Variants in TNS1 observed in about 807,000 individuals in gnomAD.
The protein encoded by TNS1 is tensin-1.
A neutral mutation model predicts 168.6 loss-of-function variants in TNS1; 62 were observed. The ratio of observed to expected loss-of-function variants is 0.37; its 90% CI spans 0.30 to 0.45. The LOEUF (loss-of-function observed/expected upper bound fraction) is 0.45, where lower values mean the gene tolerates loss of function less well. Ranked by LOEUF, TNS1 falls within the 20% of genes least tolerant of loss-of-function variation. TNS1 has a pLI of 1.00. For missense variants in TNS1, 2,240 were observed against 2,339.4 expected, an observed-to-expected ratio of 0.96 and a Z score of 0.88; for synonymous variants, 934 against 933.2, an observed-to-expected ratio of 1.00 and a Z score of -0.02.
chr2:218,028,451 T>A (rs780716964), intron 1 of TNS1, among the ~76,000 whole-genome samples: 37 of 152,228 alleles, frequency 2.4e-4, no homozygotes, highest in Non-Finnish European at 4.6e-4. Flanking sequence ...CCTCTCACCA[T>A]TCATCCAGCC....
chr2:217,829,816 G>A (rs181644270), intron 22 of TNS1: 2 of 1,613,666 alleles, frequency 1.2e-6, no homozygotes, highest in African/African-American at 1.3e-5. Context: ...GACCCAGAGA[G>A]CAGGAAGTCA....
At position 217,990,065 on chromosome 2, in the gene TNS1, C is replaced by G. The variant is rs930047730; in HGVS notation, c.148+877G>C. 9.0e-5 allele frequency among the ~76,000 whole-genome samples: 13 copies of G among 145,132 alleles called. No homozygotes were observed. The East Asian group carries it at 1.0e-3, about 11-fold the overall frequency. ...GTCACACACCCTCAGCACACATCAT[C>G]CACACGCCATCCACACACCAGCCAC... On this transcript the variant is annotated intron_variant, in intron 2 of 32. Coordinates refer to ENST00000682258, the MANE Select transcript of TNS1 (RefSeq NM_001387777.1).
intron 22 of TNS1, among the ~76,000 whole-genome samples, chr2:217,824,690 C>A (rs1453205551): frequency 6.6e-6 from 1 of 152,140 alleles, no homozygotes; most frequent in African/African-American, 2.4e-5. Flanking sequence ...GGGAGTCTCA[C>A]CCACAGCCAT....
intron 3 of TNS1, among the ~76,000 whole-genome samples, chr2:217,942,976 G>C (rs1956991819): frequency 6.6e-6 from 1 of 152,318 alleles, no homozygotes; most frequent in South Asian, 2.1e-4. Flanking sequence ...CCAAGTCCTG[G>C]ATTGGGGGTT....
intron 3 of TNS1, among the ~76,000 whole-genome samples, chr2:217,950,460 G>T (rs902070330): frequency 2.0e-5 from 3 of 152,066 alleles, no homozygotes; most frequent in African/African-American, 7.2e-5. Flanking sequence ...CCTGGTCACT[G>T]GGGAGCGTGC....
intron 16 of TNS1, among the ~76,000 whole-genome samples, chr2:217,883,624 G>A (rs1950889641): frequency 6.6e-6 from 1 of 152,206 alleles, no homozygotes; most frequent in Non-Finnish European, 1.5e-5. Context: ...CACTACGTAA[G>A]AGGAGGAAAT....
intron 16 of TNS1, among the ~76,000 whole-genome samples, chr2:217,882,757 T>A (rs1950802363): frequency 6.6e-6 from 1 of 152,158 alleles, no homozygotes; most frequent in South Asian, 2.1e-4. Context: ...TTATTTTATT[T>A]ATTTTGAGAT....
At chr2:217,879,294 C>A (rs1212216474) in intron 18 of TNS1, 2 of 352,822 alleles carry the variant, frequency 5.7e-6, no homozygotes, top group Non-Finnish European at 1.1e-5. Context: ...AGTAAAAATT[C>A]TTTCCAATTG....
chr2:217,815,113 T>C, intron 24 of TNS1, 115 bp from the exon 25 acceptor site: 1 of 783,090 alleles, frequency 1.3e-6, no homozygotes, highest in Non-Finnish European at 2.1e-6. Context: ...AAATAGGGTC[T>C]TTGCAGATGT....
rs554581543 is a variant in TNS1 at position 218,002,797 on chromosome 2, G to A, written c.33+43C>T. 1.1e-4 allele frequency: 52 copies of A among 456,576 alleles called. No individual in the cohort carries two copies. In the Admixed American group the frequency reaches 1.2e-3, roughly 11 times the overall value. 28.3% of individuals were successfully genotyped at this position (456,576 alleles called of 1,614,324 possible). On this transcript the variant is annotated intron_variant, in intron 1 of 32. Transcript: ENST00000682258. ...GGCAGGGGCCGGTGGGGGGCGGGGG[G>A]TTTGAGGAAGAGTAACGTCGCAGCT... is the stretch of plus-strand genomic sequence containing the variant.
chr2:217,899,379 C>A (rs1390333139), intron 7 of TNS1, among the ~76,000 whole-genome samples: 1 of 152,144 alleles, frequency 6.6e-6, no homozygotes, highest in Admixed American at 6.5e-5. Flanking sequence ...AACTGCCTAC[C>A]CAAGGACAGT....
chr2:217,892,725 G>A (rs938442151), intron 11 of TNS1, among the ~76,000 whole-genome samples: 1 of 152,164 alleles, frequency 6.6e-6, no homozygotes, highest in African/African-American at 2.4e-5. Context: ...TCCCAAGGCT[G>A]CCCCACCAGA....
Position 217,847,949 on chromosome 2 carries a change from G to T in TNS1, c.2568C>A (p.Ser856=), listed in dbSNP as rs1379812547. ...CTGGCCAGGCCCCGGGGACACTCTG[G>T]GACTTGTGTAGTGGGGCAGCAGCGG... The part of the protein sequence containing the change: ...PASAAAPLHK[S]QSVPGAWPGA... Residue 856 remains serine (S), a synonymous_variant, in exon 19 of 33, where the codon TCC becomes TCA. Coordinates refer to ENST00000682258, the MANE Select transcript of TNS1 (RefSeq NM_001387777.1). The T allele has an allele frequency of 6.6e-7, 1 of 1,515,634 alleles. No individual in the cohort carries two copies. Among genetic ancestry groups the T allele is most frequent in the Non-Finnish European group, 8.9e-7 (1 of 1,129,434 alleles). 93.9% of individuals were successfully genotyped at this position (1,515,634 alleles called of 1,614,324 possible). A position where few individuals can be genotyped will look rare whatever the true frequency, so the allele number is the denominator to read the frequency against.
chr2:217,892,959 G>A lies in TNS1; in HGVS notation c.771C>T (p.Asn257=), dbSNP rs150712479. 43 of 1,614,192 alleles carry A rather than the reference G, an allele frequency of 2.7e-5. No homozygotes were observed. The African/African-American group carries it at 5.2e-4, about 20-fold the overall frequency. The part of the protein sequence containing the change: ...VVIAAYMHYS[N]ISASADQALD... ...CAGGCCCCTCTTACCTGGCAGAAATGTTGCTGTAGTGCATGTAAGCCGCGA... is the reference window on the plus strand; with the variant it reads ...CAGGCCCCTCTTACCTGGCAGAAATATTGCTGTAGTGCATGTAAGCCGCGA... Residue 257 remains asparagine (N), a synonymous_variant, in exon 11 of 33, where the codon AAC becomes AAT. Coordinates refer to ENST00000682258, the MANE Select transcript of TNS1 (RefSeq NM_001387777.1).
chr2:218,004,214 T>G (rs1958627540), upstream of TNS1, among the ~76,000 whole-genome samples: 2 of 152,138 alleles, frequency 1.3e-5, no homozygotes, highest in Non-Finnish European at 2.9e-5. Flanking sequence ...CCAACTCACG[T>G]CAACACATAA....
At chr2:217,936,969 C>G in intron 3 of TNS1, 1 of 456,874 alleles carries the variant, frequency 2.2e-6, no homozygotes, top group South Asian at 1.5e-5. Context: ...TGTTATTTCT[C>G]CTTACCTGCA....
intron 11 of TNS1, among the ~76,000 whole-genome samples, chr2:217,892,057 C>T (rs1951798352): frequency 6.6e-6 from 1 of 152,186 alleles, no homozygotes; most frequent in Admixed American, 6.5e-5. Context: ...TGCTGCATTC[C>T]CAGGACCTAG....
intron 3 of TNS1, among the ~76,000 whole-genome samples, chr2:217,952,938 G>A (rs1391498009): frequency 6.6e-6 from 1 of 152,210 alleles, no homozygotes; most frequent in African/African-American, 2.4e-5. Flanking sequence ...ATGAGGCCCA[G>A]GGAGGACAGG....
intron 16 of TNS1, among the ~76,000 whole-genome samples, chr2:217,884,576 T>C (rs1951015206): frequency 6.6e-6 from 1 of 152,162 alleles, no homozygotes; most frequent in Non-Finnish European, 1.5e-5. Context: ...AATTATCCCC[T>C]GCTAGTCTGC....
Sources: gnomAD v4.1 joint callset for allele counts (sites outside exome capture counted in the v4.1 genomes callset) on GRCh38, gnomAD v4.1.1 for gene constraint, MANE v1.5 for transcripts, NCBI Gene and HGNC (gene_info 2026-07-23, HGNC 2026-07-21) for gene names.